Variants in BBOX1 observed in about 807,000 individuals in gnomAD.
BBOX1 encodes the protein gamma-butyrobetaine hydroxylase 1.
BBOX1 carries 35 observed loss-of-function variants against 41.6 expected under a neutral mutation model. The observed-to-expected ratio is 0.84, with a 90% CI of 0.64 to 1.11. The LOEUF (loss-of-function observed/expected upper bound fraction) is 1.11, where lower values mean the gene tolerates loss of function less well. BBOX1 is among the 50% of genes most tolerant of loss of function. The pLI is 0.00. For missense variants in BBOX1, 458 were observed against 460.6 expected, an observed-to-expected ratio of 0.99 and a Z score of 0.05; for synonymous variants, 163 against 154.7, an observed-to-expected ratio of 1.05 and a Z score of -0.40.
intron 4 of BBOX1, among the ~76,000 whole-genome samples, chr11:27,090,122 C>T (rs1341992648): frequency 6.6e-6 from 1 of 151,900 alleles, no homozygotes; most frequent in Non-Finnish European, 1.5e-5. Context: ...AGGGACTGCC[C>T]TGGGGAACTT....
intron 4 of BBOX1, among the ~76,000 whole-genome samples, chr11:27,083,890 G>A (rs1411560684): frequency 6.6e-6 from 1 of 152,142 alleles, no homozygotes; most frequent in Non-Finnish European, 1.5e-5. Flanking sequence ...TGGAGGGCCA[G>A]AGAAGTCAGG....
At chr11:27,079,570 T>A (rs1857760603) in intron 4 of BBOX1, among the ~76,000 whole-genome samples, 1 of 152,096 alleles carries the variant, frequency 6.6e-6, no homozygotes, top group African/African-American at 2.4e-5. Context: ...TATGCCCATG[T>A]AATGAGGAAT....
chr11:27,043,378 T>G (rs1851395978), intron 2 of BBOX1, among the ~76,000 whole-genome samples: 1 of 140,830 alleles, frequency 7.1e-6, no homozygotes, highest in Non-Finnish European at 1.6e-5. Flanking sequence ...TTTTTTTAAG[T>G]TATACTTTTA....
At chr11:27,111,353 A>C (rs1463187096) in intron 5 of BBOX1, among the ~76,000 whole-genome samples, 2 of 151,916 alleles carry the variant, frequency 1.3e-5, no homozygotes, top group Non-Finnish European at 2.9e-5. Context: ...AGAGTGGGGA[A>C]GGAGGGAACG....
At chr11:27,124,626 C>T (rs950179743) in intron 7 of BBOX1, among the ~76,000 whole-genome samples, 2 of 152,114 alleles carry the variant, frequency 1.3e-5, no homozygotes, top group Non-Finnish European at 2.9e-5. Flanking sequence ...CAAGCAGGTG[C>T]CTGCCACCAC....
intron 2 of BBOX1, among the ~76,000 whole-genome samples, chr11:27,043,164 C>T (rs992093026): frequency 5.3e-5 from 8 of 151,954 alleles, no homozygotes; most frequent in African/African-American, 1.4e-4. Flanking sequence ...CCCGGGTTCA[C>T]GCCATTCTCC....
Position 27,092,249 on chromosome 11 carries a change from C to T in BBOX1, c.335-919C>T, listed in dbSNP as rs754470882. ...CCCCAGCTAGAAAAGAAGAGCATTG[C>T]TCACAATGATATTGAGATCGCAAGT... On this transcript the variant is annotated intron_variant, in intron 4 of 8. Transcript: ENST00000263182. 2.0e-5 allele frequency among the ~76,000 whole-genome samples: 3 copies of T among 151,920 alleles called. No homozygotes were observed. In the South Asian group the frequency reaches 6.2e-4, roughly 31 times the overall value.
chr11:27,083,809 A>G (rs1298008312), intron 4 of BBOX1, among the ~76,000 whole-genome samples: 2 of 152,168 alleles, frequency 1.3e-5, no homozygotes, highest in Non-Finnish European at 2.9e-5. Context: ...TTGCATAGCA[A>G]GGATTTCAAC....
intron 4 of BBOX1, among the ~76,000 whole-genome samples, chr11:27,086,445 C>T (rs1487065729): frequency 1.3e-5 from 2 of 152,078 alleles, no homozygotes; most frequent in Non-Finnish European, 2.9e-5. Context: ...AAAACAAAAC[C>T]TGGATGACCA....
chr11:27,049,759 T>C (rs7124431), intron 2 of BBOX1, among the ~76,000 whole-genome samples: 79,738 of 151,936 alleles, frequency 0.52, 21,273 homozygotes, highest in African/African-American at 0.63. Flanking sequence ...AAAACATAGA[T>C]GGCCCTCAGA....
At chr11:27,096,711 C>CA (rs927435972) in intron 5 of BBOX1, among the ~76,000 whole-genome samples, 3 of 151,562 alleles carry the variant, frequency 2.0e-5, no homozygotes, top group Admixed American at 1.3e-4. Context: ...GTTGGATGAA[C>CA]AAAAAAACAG....
chr11:27,042,880 A>G (rs1209662020), intron 2 of BBOX1, among the ~76,000 whole-genome samples: 1 of 152,118 alleles, frequency 6.6e-6, no homozygotes, highest in African/African-American at 2.4e-5. Context: ...CACCTTACCA[A>G]GTAAAAATTA....
intron 5 of BBOX1, among the ~76,000 whole-genome samples, chr11:27,096,710 A>G (rs1463822281): frequency 6.6e-6 from 1 of 152,044 alleles, no homozygotes; most frequent in Non-Finnish European, 1.5e-5. Context: ...GGTTGGATGA[A>G]CAAAAAAACA....
In BBOX1 at chr11:27,085,054, C is replaced by G. The variant is rs188034000; in HGVS notation, c.335-8114C>G. 1.9e-4 allele frequency among the ~76,000 whole-genome samples: 29 copies of G among 152,156 alleles called. No individual in the cohort carries two copies. In the East Asian group the frequency reaches 5.4e-3, roughly 28 times the overall value. Reference sequence around the variant, plus strand: ...GATTTACTCTAGTCAAATGTATTTTCTTTTGGTTCCCTGGATAGTCATGTT... The same window carrying G: ...GATTTACTCTAGTCAAATGTATTTTGTTTTGGTTCCCTGGATAGTCATGTT... On this transcript the variant is annotated intron_variant, in intron 4 of 8. Transcript: ENST00000263182.
intron 7 of BBOX1, among the ~76,000 whole-genome samples, chr11:27,121,075 A>C (rs576361072): frequency 1.3e-5 from 2 of 152,162 alleles, no homozygotes; most frequent in Admixed American, 6.5e-5. Flanking sequence ...CAAGGACGGA[A>C]ATTGCATTAT....
intron 8 of BBOX1, among the ~76,000 whole-genome samples, chr11:27,126,749 C>T (rs906160066): frequency 1.3e-5 from 2 of 149,428 alleles, no homozygotes; most frequent in Non-Finnish European, 3.0e-5. Flanking sequence ...GATCTCGGCT[C>T]ACTGCAAGCT....
intron 6 of BBOX1, among the ~76,000 whole-genome samples, chr11:27,117,737 A>G: frequency 6.6e-6 from 1 of 152,064 alleles, no homozygotes; most frequent in Non-Finnish European, 1.5e-5. Flanking sequence ...TTCCTGAAGT[A>G]TAATAGAATG....
At chr11:27,085,392 A>C (rs1190714925) in intron 4 of BBOX1, among the ~76,000 whole-genome samples, 1 of 152,076 alleles carries the variant, frequency 6.6e-6, no homozygotes, top group African/African-American at 2.4e-5. Context: ...TAGTATCTCA[A>C]ACTGTTTAAT....
Position 27,070,942 on chromosome 11 carries a change from T to C in BBOX1, c.334+13627T>C, listed in dbSNP as rs552623147. 6.6e-5 allele frequency among the ~76,000 whole-genome samples: 10 copies of C among 152,298 alleles called. No individual in the cohort carries two copies. In the South Asian group the frequency reaches 2.1e-3, roughly 32 times the overall value. On this transcript the variant is annotated intron_variant, in intron 4 of 8. Transcript: ENST00000263182. ...CTTTTGTTTCAAGTTTTAGAACTCC[T>C]AGCATTCTTGCAGGGCTTGTCTAGT...
Sources: allele counts gnomAD v4.1 joint callset (sites outside exome capture counted in the v4.1 genomes callset), GRCh38; gene constraint gnomAD v4.1.1; transcripts MANE v1.5; gene names NCBI Gene and HGNC (gene_info 2026-07-23, HGNC 2026-07-21).